RREB1: variants seen among roughly 807,000 people sequenced by gnomAD.
The protein encoded by RREB1 is ras responsive element binding protein 1, also known as ras-responsive element-binding protein 1.
Under a neutral mutation model 117.8 loss-of-function variants are expected in RREB1, and 27 were observed. The ratio of observed to expected loss-of-function variants is 0.23; its 90% CI spans 0.17 to 0.32. The LOEUF is 0.32. Ranked by LOEUF, RREB1 falls within the 10% of genes least tolerant of loss-of-function variation. The pLI, the probability that RREB1 is intolerant of heterozygous loss-of-function variation, is 1.00. For synonymous variants in RREB1, 1,298 were observed against 1,026.7 expected (o/e 1.26, Z -5.05); for missense variants, 2,577 against 2,378.2 (o/e 1.08, Z -1.74).
chr6:7,145,206 G>C (rs1275046986), intron 1 of RREB1, among the ~76,000 whole-genome samples: 1 of 152,186 alleles, frequency 6.6e-6, no homozygotes, highest in Non-Finnish European at 1.5e-5. Flanking sequence ...TCTCAGCTCT[G>C]ATCTGTTGTA....
chr6:7,196,218 G>GTTT (rs58448175), intron 6 of RREB1, among the ~76,000 whole-genome samples: 7 of 121,472 alleles, frequency 5.8e-5, no homozygotes, highest in Admixed American at 8.5e-5. Flanking sequence ...TTTTTTTTTC[G>GTTT]TTTTTTTTTT....
intron 1 of RREB1, among the ~76,000 whole-genome samples, chr6:7,159,986 G>A (rs1366501893): frequency 6.6e-6 from 1 of 152,158 alleles, no homozygotes; most frequent in Non-Finnish European, 1.5e-5. Context: ...TAGTTGGCTT[G>A]CAGTACCTGT....
At chr6:7,129,801 G>A (rs1762077855) in intron 1 of RREB1, among the ~76,000 whole-genome samples, 2 of 152,194 alleles carry the variant, frequency 1.3e-5, no homozygotes, top group Admixed American at 6.5e-5. Context: ...GACATAGAAG[G>A]TTTTGGTTCA....
At chr6:7,137,851 G>C (rs556772990) in intron 1 of RREB1, among the ~76,000 whole-genome samples, 26 of 152,088 alleles carry the variant, frequency 1.7e-4, no homozygotes, top group African/African-American at 6.3e-4. Context: ...TGGTAGGCCC[G>C]GCGAGCGGTT....
At chr6:7,125,749 T>A (rs1412775253) in intron 1 of RREB1, among the ~76,000 whole-genome samples, 5 of 152,226 alleles carry the variant, frequency 3.3e-5, no homozygotes, top group Non-Finnish European at 7.4e-5. Context: ...TGTGATAGCC[T>A]CTGGGAGGTG....
chr6:7,203,965 C>T (rs904418295), intron 6 of RREB1, among the ~76,000 whole-genome samples: 1 of 152,174 alleles, frequency 6.6e-6, no homozygotes, highest in East Asian at 1.9e-4. Flanking sequence ...TCTAACTGGC[C>T]AGTGGTGGTG....
intron 1 of RREB1, among the ~76,000 whole-genome samples, chr6:7,115,802 G>A (rs1026638056): frequency 1.3e-5 from 2 of 152,114 alleles, no homozygotes; most frequent in African/African-American, 4.8e-5. Flanking sequence ...TACCCTGCAG[G>A]TACTTGTAAA....
At chr6:7,188,154 C>T (rs189548442) in intron 5 of RREB1, among the ~76,000 whole-genome samples, 265 of 151,902 alleles carry the variant, frequency 1.7e-3, no homozygotes, top group Middle Eastern at 3.4e-3. Flanking sequence ...GGTGACAGAC[C>T]GGGACTCTGT....
At chr6:7,222,100 T>C (rs1446844190) in intron 8 of RREB1, among the ~76,000 whole-genome samples, 1 of 152,170 alleles carries the variant, frequency 6.6e-6, no homozygotes, top group Admixed American at 6.5e-5. Context: ...GTATTGGTAA[T>C]TTCTTTTCTC....
At chr6:7,145,319 C>T (rs1403210947) in intron 1 of RREB1, among the ~76,000 whole-genome samples, 1 of 152,210 alleles carries the variant, frequency 6.6e-6, no homozygotes, top group Non-Finnish European at 1.5e-5. Context: ...CTCCTTTTCC[C>T]ATAGTTTCTT....
In RREB1 at chr6:7,189,025, T is replaced by C. The variant is rs1581512773; in HGVS notation, c.262-134T>C. 6 of 812,320 alleles carry C rather than the reference T, an allele frequency of 7.4e-6. No homozygotes were observed. The East Asian group carries it at 1.2e-4, about 16-fold the overall frequency. 50.3% of individuals were successfully genotyped at this position (812,320 alleles called of 1,614,324 possible). A position where few individuals can be genotyped will look rare whatever the true frequency, so the allele number is the denominator to read the frequency against. On this transcript the variant is annotated intron_variant, in intron 5 of 12. Transcript: ENST00000379938. ...TACATTTTACCCCTTCAGAAAGATA[T>C]TTAAAATGAAAGAGAAACACATAGC...
At chr6:7,232,758 TTTTTC>T (rs1392375441) in intron 10 of RREB1, among the ~76,000 whole-genome samples, 2 of 124,344 alleles carry the variant, frequency 1.6e-5, no homozygotes, top group African/African-American at 7.3e-5. Context: ...TCCTTTTTTC[TTTTTC>T]TTTTTTTTTT....
At chr6:7,177,532 A>G (rs2113518800) in intron 2 of RREB1, among the ~76,000 whole-genome samples, 1 of 151,888 alleles carries the variant, frequency 6.6e-6, no homozygotes, top group East Asian at 1.9e-4. Flanking sequence ...TTAGAATATG[A>G]CCAGTGATAT....
In RREB1 at chr6:7,213,488, T is replaced by G. The variant is rs528180655; in HGVS notation, c.707+1779T>G. On this transcript the variant is annotated intron_variant, in intron 8 of 12. Coordinates refer to ENST00000379938, the MANE Select transcript of RREB1 (RefSeq NM_001003699.4). ...AGCCCCAAAGCCTGCCTCTTAACAG[T>G]TGTTTTATTCTGTCTACCAGGAAAA... 5 of 152,186 alleles carry G rather than the reference T, an allele frequency of 3.3e-5. No individual in the cohort carries two copies. The East Asian group carries it at 9.6e-4, about 29-fold the overall frequency. 9.4% of individuals were successfully genotyped at this position (152,186 alleles called of 1,614,324 possible).
At chr6:7,117,434 G>GTTTTTTTTTT (rs1761461617) in intron 1 of RREB1, among the ~76,000 whole-genome samples, 4 of 83,648 alleles carry the variant, frequency 4.8e-5, no homozygotes, top group Non-Finnish European at 6.3e-5. Flanking sequence ...TTGAGACGAA[G>GTTTTTTTTTT]TGTTTTACTC....
intron 12 of RREB1, 108 bp from the exon 13 acceptor site, chr6:7,248,403 C>T (rs985971781): frequency 1.3e-5 from 12 of 935,094 alleles, no homozygotes; most frequent in Non-Finnish European, 2.0e-5. Flanking sequence ...GGACGGAGTC[C>T]TGGCCCCCCG....
chr6:7,140,369 G>A (rs1762513386), intron 1 of RREB1, among the ~76,000 whole-genome samples: 2 of 152,038 alleles, frequency 1.3e-5, no homozygotes, highest in African/African-American at 4.8e-5. Flanking sequence ...AATTTTATAG[G>A]GATATCCTTT....
At chr6:7,144,900 T>C (rs147497871) in intron 1 of RREB1, among the ~76,000 whole-genome samples, 6 of 152,344 alleles carry the variant, frequency 3.9e-5, no homozygotes, top group South Asian at 2.1e-4. Context: ...GAAGTAGATA[T>C]ATTTATTTGT....
rs939471560 is a variant in RREB1, at chr6:7,229,956, A to G, written c.1857A>G (p.Thr619=). 9.4e-6 allele frequency: 15 copies of G among 1,602,620 alleles called. No homozygotes were observed. In the Middle Eastern group the frequency reaches 6.6e-4, roughly 71 times the overall value. ...AGGCCAAGATCAAGCAGGAGATCAC[A>G]GAGGGGGAACTCAAGGCCTTCATGA... The part of the protein sequence containing the change: ...SMEAKIKQEI[T]EGELKAFMTA... Residue 619 remains threonine, a synonymous_variant, in exon 10 of 13, where the codon ACA becomes ACG. Coordinates refer to ENST00000379938, the MANE Select transcript of RREB1 (RefSeq NM_001003699.4). The surrounding 1 kb of genome is among the most constrained non-coding windows in gnomAD (Gnocchi z 4.5).
Sources: gnomAD v4.1 joint callset for allele counts (sites outside exome capture counted in the v4.1 genomes callset) on GRCh38, gnomAD v4.1.1 for gene constraint, Gnocchi (gnomAD v3.1) non-coding constraint, MANE v1.5 for transcripts, NCBI Gene and HGNC (gene_info 2026-07-23, HGNC 2026-07-21) for gene names.